NCK2: variants seen among roughly 807,000 people sequenced by gnomAD.
NCK2 encodes NCK adaptor protein 2.
A neutral mutation model predicts 33.9 loss-of-function variants in NCK2; 16 were observed. The observed-to-expected ratio is 0.47, with a 90% CI of 0.32 to 0.72. The LOEUF (loss-of-function observed/expected upper bound fraction) is 0.72, where lower values mean the gene tolerates loss of function less well. NCK2 is among the 30% of genes least tolerant of loss of function. NCK2 has a pLI of 0.03. For missense variants in NCK2, 418 were observed against 537.3 expected (o/e 0.78, Z 2.19); for synonymous variants, 273 against 239.9 (o/e 1.14, Z -1.27).
chr2:105,747,232 GC>G (rs1689315244), intron 1 of NCK2, among the ~76,000 whole-genome samples: 1 of 152,146 alleles, frequency 6.6e-6, no homozygotes. Flanking sequence ...CGGTTATTTA[GC>G]TTTTCCAACA....
chr2:105,764,505 G>C (rs1689870405), intron 1 of NCK2, among the ~76,000 whole-genome samples: 1 of 152,246 alleles, frequency 6.6e-6, no homozygotes, highest in African/African-American at 2.4e-5. Context: ...GACTGAGACA[G>C]GTGAGCAGGA....
chr2:105,852,198 G>A (rs1306780896), intron 2 of NCK2, among the ~76,000 whole-genome samples: 1 of 152,168 alleles, frequency 6.6e-6, no homozygotes, highest in Non-Finnish European at 1.5e-5. Context: ...TCTCCTAAAG[G>A]ATGACACCTC....
In NCK2 at chr2:105,855,104, C is replaced by T; in HGVS notation, c.41C>T (p.Thr14Ile). The T allele has an allele frequency of 6.2e-7, 1 of 1,614,206 alleles. No homozygotes were observed. Among genetic ancestry groups the T allele is most frequent in the African/African-American group, 1.3e-5 (1 of 75,038 alleles). ...EVIVIAKWDY[T>I]AQQDQELDIK... ...ATTGTGATAGCCAAGTGGGACTACA[C>T]CGCCCAGCAGGACCAGGAGCTGGAC... The change falls in exon 3 of 5, where the codon ACC becomes ATC. Residue 14 changes from threonine (T) to isoleucine (I), a missense_variant. Thr to Ile is a moderately conservative substitution (Grantham distance 89). Coordinates refer to ENST00000233154, the MANE Select transcript of NCK2 (RefSeq NM_003581.5).
At chr2:105,848,178 T>C (rs866730439) in intron 2 of NCK2, among the ~76,000 whole-genome samples, 4 of 152,248 alleles carry the variant, frequency 2.6e-5, no homozygotes, top group South Asian at 4.1e-4. Flanking sequence ...AGGTATTTCC[T>C]GTAGACTGGC....
At chr2:105,852,089 A>G (rs1340032544) in intron 2 of NCK2, among the ~76,000 whole-genome samples, 1 of 151,384 alleles carries the variant, frequency 6.6e-6, no homozygotes, top group Non-Finnish European at 1.5e-5. Context: ...AATGCAGACC[A>G]CGCATCGGAC....
intron 1 of NCK2, among the ~76,000 whole-genome samples, chr2:105,759,369 T>C (rs1689690801): frequency 6.6e-6 from 1 of 152,246 alleles, no homozygotes; most frequent in Non-Finnish European, 1.5e-5. Flanking sequence ...AATAGGGGTA[T>C]TTATTTCCTT....
intron 1 of NCK2, among the ~76,000 whole-genome samples, chr2:105,804,710 A>C (rs907616596): frequency 2.0e-5 from 3 of 152,246 alleles, no homozygotes; most frequent in Non-Finnish European, 4.4e-5. Context: ...TGAAATACTC[A>C]AGAAAACTAA....
At chr2:105,775,847 T>C (rs1690281722) in intron 1 of NCK2, among the ~76,000 whole-genome samples, 2 of 152,188 alleles carry the variant, frequency 1.3e-5, no homozygotes, top group African/African-American at 2.4e-5. Context: ...CTCATTATTT[T>C]CTCATCTGTA....
chr2:105,818,172 G>A (rs1423064601), intron 2 of NCK2, among the ~76,000 whole-genome samples: 5 of 149,284 alleles, frequency 3.3e-5, no homozygotes, highest in Admixed American at 2.1e-4. Flanking sequence ...GCAAACTATC[G>A]CAAGGACAAA....
chr2:105,862,895 G>T (rs1677597070), intron 3 of NCK2, among the ~76,000 whole-genome samples: 1 of 152,234 alleles, frequency 6.6e-6, no homozygotes, highest in Non-Finnish European at 1.5e-5. Flanking sequence ...TGGGAGTCTG[G>T]AGACTTGGGC....
In NCK2 at chr2:105,745,052, A is replaced by C. The variant is rs2104311490; in HGVS notation, c.-287A>C. ...GCGGGAGGAGGGAGCGGCGCAGACA[A>C]AGAGCGGCGCCTGGGCGGGCGCAGC... On this transcript the variant is annotated 5_prime_UTR_variant, in exon 1 of 5. Coordinates refer to ENST00000233154, the MANE Select transcript of NCK2 (RefSeq NM_003581.5). 1 of 145,730 alleles carries C rather than the reference A, an allele frequency of 6.9e-6. No individual in the cohort carries two copies. The highest frequency in any genetic ancestry group is 2.1e-4 in the South Asian group (1 of 4,794). 9.0% of individuals were successfully genotyped at this position (145,730 alleles called of 1,614,324 possible).
At chr2:105,837,532 C>G (rs770261058) in intron 2 of NCK2, among the ~76,000 whole-genome samples, 2 of 152,150 alleles carry the variant, frequency 1.3e-5, no homozygotes, top group Non-Finnish European at 2.9e-5. Context: ...GTTATTTTCT[C>G]TTCTTTAACT....
chr2:105,776,089 A>AGGT (rs1690288708), intron 1 of NCK2, among the ~76,000 whole-genome samples: 1 of 152,160 alleles, frequency 6.6e-6, no homozygotes, highest in Non-Finnish European at 1.5e-5. Context: ...CCCTTACTGC[A>AGGT]GGCCACCTCT....
intron 3 of NCK2, among the ~76,000 whole-genome samples, chr2:105,859,845 T>A (rs1573214845): frequency 6.6e-6 from 1 of 152,286 alleles, no homozygotes; most frequent in East Asian, 1.9e-4. Context: ...GTACAGGGGC[T>A]TCTGTCTTGG....
chr2:105,832,100 T>A (rs1202676084), intron 2 of NCK2, among the ~76,000 whole-genome samples: 2 of 152,196 alleles, frequency 1.3e-5, no homozygotes, highest in Admixed American at 6.5e-5. Flanking sequence ...AATTTGTTCT[T>A]AGGTATTTGG....
chr2:105,811,892 GT>G (rs1286437505), intron 1 of NCK2, among the ~76,000 whole-genome samples: 1 of 152,060 alleles, frequency 6.6e-6, no homozygotes, highest in African/African-American at 2.4e-5. Flanking sequence ...TCTTTTCTCA[GT>G]TCTGGAGTAT....
At chr2:105,788,768 A>C (rs1307812169) in intron 1 of NCK2, among the ~76,000 whole-genome samples, 2 of 151,940 alleles carry the variant, frequency 1.3e-5, no homozygotes, top group Non-Finnish European at 2.9e-5. Context: ...CTTCATTCTT[A>C]TATAGCTTAA....
At chr2:105,821,717 C>A (rs557620960) in intron 2 of NCK2, among the ~76,000 whole-genome samples, 59 of 151,928 alleles carry the variant, frequency 3.9e-4, no homozygotes, top group Non-Finnish European at 7.5e-4. Context: ...TATCTCTAGT[C>A]GCAAATGCAG....
intron 3 of NCK2, among the ~76,000 whole-genome samples, chr2:105,862,691 G>T (rs1395227772): frequency 6.6e-6 from 1 of 152,216 alleles, no homozygotes; most frequent in Non-Finnish European, 1.5e-5. Context: ...TAAATTTACT[G>T]ATTTTGATGA....
Sources: gnomAD v4.1 joint callset for allele counts (sites outside exome capture counted in the v4.1 genomes callset) on GRCh38, gnomAD v4.1.1 for gene constraint, MANE v1.5 for transcripts, NCBI Gene and HGNC (gene_info 2026-07-23, HGNC 2026-07-21) for gene names.